The following CORO2B variants were observed in gnomAD, a reference collection of about 807,000 sequenced individuals.
The protein encoded by CORO2B is coronin 2B.
A neutral mutation model predicts 58.8 loss-of-function variants in CORO2B; 26 were observed. The observed-to-expected ratio is 0.44, with a 90% CI of 0.32 to 0.61. CORO2B has a LOEUF of 0.61. Ranked by LOEUF, CORO2B falls within the 20% of genes least tolerant of loss-of-function variation. The pLI is 0.04. For synonymous variants in CORO2B, 242 were observed against 253.8 expected (o/e 0.95, Z 0.44); for missense variants, 460 against 645.1 (o/e 0.71, Z 3.11).
At chr15:68,705,430 C>CT (rs1892759689) in intron 3 of CORO2B, among the ~76,000 whole-genome samples, 1 of 100,350 alleles carries the variant, frequency 1.0e-5, no homozygotes, top group African/African-American at 4.4e-5. Flanking sequence ...AGGTGAAACT[C>CT]TATCTCAAAA....
rs118064581 is a variant in CORO2B at position 68,683,016 on chromosome 15, C to T, written c.217-12124C>T. On this transcript the variant is annotated intron_variant, in intron 2 of 11. Coordinates refer to ENST00000261861, the MANE Select transcript of CORO2B (RefSeq NM_006091.5). ...GGAGGGGTTTTTATAATTTTGGCAG[C>T]GGCCCATGCACACAGGAGAAGTTCT... Among the ~76,000 whole-genome samples, 675 of 152,276 alleles carry T rather than the reference C, an allele frequency of 4.4e-3. 8 individuals carry two copies. The highest frequency in any genetic ancestry group is 4.9e-3 in the Non-Finnish European group (336 of 68,026).
chr15:68,525,269 G>C, the CORO2B span, among the ~76,000 whole-genome samples: 3 of 152,160 alleles, frequency 2.0e-5, no homozygotes, highest in Admixed American at 1.3e-4. Context: ...CAGGGGGGAC[G>C]GGGGACAGAT....
intron 2 of CORO2B, among the ~76,000 whole-genome samples, chr15:68,652,657 G>A (rs777389719): frequency 2.0e-5 from 3 of 152,252 alleles, no homozygotes; most frequent in Admixed American, 1.3e-4. Context: ...CACCACAGTA[G>A]TGTGGCCTGA....
upstream of CORO2B, among the ~76,000 whole-genome samples, chr15:68,577,602 T>C (rs937383691): frequency 4.0e-5 from 6 of 151,500 alleles, no homozygotes; most frequent in African/African-American, 1.5e-4. Flanking sequence ...GTTCCTGTAG[T>C]CCCAGATCCT....
At chr15:68,581,351 C>T (rs555188314) in intron 1 of CORO2B, among the ~76,000 whole-genome samples, 2 of 152,328 alleles carry the variant, frequency 1.3e-5, no homozygotes, top group South Asian at 4.1e-4. Context: ...TGGCCCTTCA[C>T]AGACCAGCGT....
At chr15:68,580,917 G>A (rs1291875571) in intron 1 of CORO2B, among the ~76,000 whole-genome samples, 1 of 152,194 alleles carries the variant, frequency 6.6e-6, no homozygotes, top group East Asian at 1.9e-4. Flanking sequence ...AACAGTGGAA[G>A]GAACTGAGGC....
the CORO2B span, among the ~76,000 whole-genome samples, chr15:68,522,173 T>C: frequency 7.9e-5 from 12 of 152,196 alleles, no homozygotes; most frequent in African/African-American, 1.9e-4. Flanking sequence ...ATGATGTTTC[T>C]AGATGTCATT....
intron 2 of CORO2B, among the ~76,000 whole-genome samples, chr15:68,655,989 G>A (rs1901790323): frequency 6.6e-6 from 1 of 152,208 alleles, no homozygotes. Context: ...GGGGCCCAGA[G>A]GCCTTGGCCA....
At chr15:68,669,967 G>C (rs1017473329) in intron 2 of CORO2B, among the ~76,000 whole-genome samples, 1 of 150,474 alleles carries the variant, frequency 6.6e-6, no homozygotes, top group African/African-American at 2.4e-5. Context: ...TGAGGCAAGA[G>C]AATTGCTTGA....
At chr15:68,573,935 G>A in the CORO2B span, among the ~76,000 whole-genome samples, 1 of 152,162 alleles carries the variant, frequency 6.6e-6, no homozygotes, top group Non-Finnish European at 1.5e-5. Context: ...CGATACCTAA[G>A]GAAAGACTGA....
chr15:68,685,993 C>T (rs1596013556), intron 2 of CORO2B, among the ~76,000 whole-genome samples: 1 of 150,424 alleles, frequency 6.6e-6, no homozygotes, highest in East Asian at 2.0e-4. Flanking sequence ...GTGGGAACCG[C>T]ACTAGAAATG....
intron 1 of CORO2B, among the ~76,000 whole-genome samples, chr15:68,627,662 C>T (rs1019505950): frequency 1.3e-5 from 2 of 152,014 alleles, no homozygotes; most frequent in Non-Finnish European, 1.5e-5. Flanking sequence ...CAGGATGGGA[C>T]GGGGAGATGT....
At chr15:68,637,256 T>C (rs1001975463) in intron 1 of CORO2B, among the ~76,000 whole-genome samples, 1 of 152,204 alleles carries the variant, frequency 6.6e-6, no homozygotes, top group Non-Finnish European at 1.5e-5. Context: ...AGGAGGACAC[T>C]GAAGCCTGGA....
At chr15:68,648,477 T>C (rs1363156226) in intron 2 of CORO2B, among the ~76,000 whole-genome samples, 1 of 151,642 alleles carries the variant, frequency 6.6e-6, no homozygotes, top group East Asian at 1.9e-4. Flanking sequence ...AAACCCTATC[T>C]CTACTAAAAA....
intron 1 of CORO2B, among the ~76,000 whole-genome samples, chr15:68,636,755 T>C (rs776070612): frequency 9.2e-5 from 14 of 152,192 alleles, no homozygotes; most frequent in East Asian, 3.8e-4. Flanking sequence ...GAGGTTTGGA[T>C]TGATTCTTTT....
chr15:68,667,784 AG>A (rs201452235), intron 2 of CORO2B, among the ~76,000 whole-genome samples: 5,691 of 152,252 alleles, frequency 0.037, 137 homozygotes, highest in Non-Finnish European at 0.057. Context: ...GTTTTAGTGG[AG>A]GGAGTTGCTG....
At chr15:68,539,650 G>A in the CORO2B span, among the ~76,000 whole-genome samples, 1 of 152,194 alleles carries the variant, frequency 6.6e-6, no homozygotes, top group African/African-American at 2.4e-5. Flanking sequence ...GGGTGACAGA[G>A]CAAGACCATG....
At chr15:68,722,593 A>G (rs963447720) in intron 11 of CORO2B, among the ~76,000 whole-genome samples, 1 of 152,202 alleles carries the variant, frequency 6.6e-6, no homozygotes, top group Non-Finnish European at 1.5e-5. Flanking sequence ...TTTTTTGACA[A>G]AAGTGGACCA....
At chr15:68,684,716 G>T (rs1046320867) in intron 2 of CORO2B, among the ~76,000 whole-genome samples, 2 of 152,224 alleles carry the variant, frequency 1.3e-5, no homozygotes, top group African/African-American at 4.8e-5. Context: ...CCAGGGGCAA[G>T]TGTCCTTATT....
Sources: allele counts gnomAD v4.1 joint callset (sites outside exome capture counted in the v4.1 genomes callset), GRCh38; gene constraint gnomAD v4.1.1; transcripts MANE v1.5; gene names NCBI Gene and HGNC (gene_info 2026-07-23, HGNC 2026-07-21).